The following MYH8 variants were observed in gnomAD, a reference collection of about 807,000 sequenced individuals.
The protein encoded by MYH8 is myosin heavy chain 8.
Under a neutral mutation model 233.2 loss-of-function variants are expected in MYH8, and 168 were observed. The ratio of observed to expected loss-of-function variants is 0.72; its 90% CI spans 0.64 to 0.82. The LOEUF (loss-of-function observed/expected upper bound fraction) is 0.82, where lower values mean the gene tolerates loss of function less well. MYH8 is among the 40% of genes least tolerant of loss of function. MYH8 has a pLI of 0.00. For missense variants in MYH8, 1,995 were observed against 2,327.8 expected, an observed-to-expected ratio of 0.86 and a Z score of 2.94; for synonymous variants, 785 against 850.6, an observed-to-expected ratio of 0.92 and a Z score of 1.34.
rs959743642 is a variant in MYH8, at chr17:10,396,029, A to T, written c.4653+301T>A. ...TGTCTACCGTAAAATATTTTTCCAAAATAATCATATTTCATGGCTATATAA... is the reference window on the plus strand; with the variant it reads ...TGTCTACCGTAAAATATTTTTCCAATATAATCATATTTCATGGCTATATAA... On this transcript the variant is annotated intron_variant, in intron 33 of 39. Transcript: ENST00000403437. This position sits in a 1 kb window ranked among gnomAD's most constrained non-coding sequence, Gnocchi z 4.2. Among the ~76,000 whole-genome samples, 1 of 152,148 alleles carries T rather than the reference A, an allele frequency of 6.6e-6. No individual in the cohort carries two copies. The highest frequency in any genetic ancestry group is 2.4e-5 in the African/African-American group (1 of 41,438).
intron 14 of MYH8, among the ~76,000 whole-genome samples, chr17:10,411,287 A>G (rs2072242318): frequency 6.6e-6 from 1 of 151,936 alleles, no homozygotes; most frequent in African/African-American, 2.4e-5. Context: ...GAGGCAGGAA[A>G]ATTGCTTGAA....
chr17:10,392,718 T>TG (rs1286235135), intron 37 of MYH8, 72 bp from the exon 38 acceptor site: 15 of 1,613,252 alleles, frequency 9.3e-6, no homozygotes, highest in Non-Finnish European at 7.6e-6. Flanking sequence ...ACTGAAGGCA[T>TG]GGGGTGGGTG....
Position 10,405,674 on chromosome 17 carries a change from A to T in MYH8, c.2432+367T>A, listed in dbSNP as rs188623170. ...AGGGGAGAGATGAGATAAGAAGATA[A>T]GCAAATGAGAGATTAGTAGATAAGC... is the stretch of plus-strand genomic sequence containing the variant. On this transcript the variant is annotated intron_variant, in intron 21 of 39. Transcript: ENST00000403437. Among the ~76,000 whole-genome samples, 159 of 152,326 alleles carry T rather than the reference A, an allele frequency of 1.0e-3. 1 individual carries two copies. Among genetic ancestry groups the T allele is most frequent in the Admixed American group, 5.3e-3 (81 of 15,300 alleles).
chr17:10,407,019 A>G (rs944111222), intron 17 of MYH8, 40 bp from the exon 18 acceptor site: 1 of 1,525,554 alleles, frequency 6.6e-7, no homozygotes, highest in Non-Finnish European at 9.1e-7. Flanking sequence ...AAAAAGTTCT[A>G]TTTCAGGTTG....
Position 10,401,734 on chromosome 17 carries a change from T to G in MYH8, c.2740A>C (p.Asn914His). The change falls in exon 23 of 40, where the codon AAC becomes CAC. Residue 914 changes from asparagine (N) to histidine (H), a missense_variant. Physicochemically the swap from Asn to His is moderately conservative, Grantham distance 68. Transcript: ENST00000403437. ...AEERCEQLIK[N>H]KIQLEAKIKE... ...ATTTTGGCCTCAAGTTGGATTTTGT[T>G]TTTAATCAGTTGCTCACACCTTTCC... is the stretch of plus-strand genomic sequence containing the variant. The G allele has an allele frequency of 6.2e-7, 1 of 1,614,194 alleles. No individual in the cohort carries two copies. Among genetic ancestry groups the G allele is most frequent in the Non-Finnish European group, 8.5e-7 (1 of 1,180,032 alleles).
In MYH8 at chr17:10,391,988, G is replaced by GA; in HGVS notation, c.5569-12dup. ...GCGATCTTCTTCAGTCTGAAAGTTTGAAAAAAATAATCTGCATTCATTCCG... is the reference window on the plus strand; with the variant it reads ...GCGATCTTCTTCAGTCTGAAAGTTTGAAAAAAAATAATCTGCATTCATTCCG... On this transcript the variant is annotated splice_polypyrimidine_tract_variant and intron_variant, in intron 38 of 39. Transcript: ENST00000403437. 1 of 1,609,628 alleles carries GA rather than the reference G, an allele frequency of 6.2e-7. No individual in the cohort carries two copies. The highest frequency in any genetic ancestry group is 8.5e-7 in the Non-Finnish European group (1 of 1,175,998).
rs1170438602 is a variant in MYH8 at position 10,413,978 on chromosome 17, C to G, written c.1071G>C (p.Gly357=). 2.5e-6 allele frequency: 4 copies of G among 1,614,026 alleles called. No individual in the cohort carries two copies. The highest frequency in any genetic ancestry group is 3.3e-4 in the Middle Eastern group (2 of 6,062). The change falls in exon 12 of 40, where the codon GGG becomes GGC. Residue 357 remains glycine, a synonymous_variant. Transcript: ENST00000403437. Reference sequence around the variant, plus strand: ...TCATGTTCCCATAATGCATCACAGCCCCTGTGAGTTTATAGATGGACACTT... The same window carrying G: ...TCATGTTCCCATAATGCATCACAGCGCCTGTGAGTTTATAGATGGACACTT... ...EEKVSIYKLT[G]AVMHYGNMKF...
chr17:10,401,777 A>C lies in MYH8; in HGVS notation c.2697T>G (p.Asp899Glu). Residue 899 changes from aspartate (D) to glutamate (E), a missense_variant, in exon 23 of 40, where the codon GAT (aspartate) becomes GAG (glutamate). Physicochemically the swap from Asp to Glu is conservative, Grantham distance 45. This residue lies in a region of MYH8 where 1,498 missense variants were observed against 1,680.9 expected (regional missense o/e 0.89). Coordinates refer to ENST00000403437, the MANE Select transcript of MYH8 (RefSeq NM_002472.3). ...DLQLQVQSEA[D>E]SLADAEERCE... ...ACCTTTCCTCTGCATCAGCCAAGCT[A>C]TCTGCTTCCTATGGAGAGATTCATT... 6.2e-7 allele frequency: 1 copy of C among 1,614,126 alleles called. No homozygotes were observed. Among genetic ancestry groups the C allele is most frequent in the Non-Finnish European group, 8.5e-7 (1 of 1,180,022 alleles).
Position 10,393,198 on chromosome 17 carries a change from T to C in MYH8, c.5179A>G (p.Ile1727Val). 1.2e-6 allele frequency: 2 copies of C among 1,614,228 alleles called. No homozygotes were observed. The highest frequency in any genetic ancestry group is 1.3e-5 in the African/African-American group (1 of 75,076). Residue 1727 changes from isoleucine (I) to valine (V), a missense_variant, in exon 36 of 40, where the codon ATT becomes GTT. Transcript: ENST00000403437. ...TTTTCTAATTTCTTCTTGGTGTTAA[T>C]GAGACTGGTATTCTGTTAAAAGTAG... The part of the protein sequence containing the change: ...QLLHTQNTSL[I>V]NTKKKLENDV...
At chr17:10,393,622 C>G (rs1409553002) in intron 35 of MYH8, among the ~76,000 whole-genome samples, 1 of 152,102 alleles carries the variant, frequency 6.6e-6, no homozygotes, top group Non-Finnish European at 1.5e-5. Flanking sequence ...TTTGTTCTGT[C>G]GGAGAGCACT....
At chr17:10,421,191 G>T (rs2072336942) in intron 2 of MYH8, among the ~76,000 whole-genome samples, 1 of 152,096 alleles carries the variant, frequency 6.6e-6, no homozygotes, top group South Asian at 2.1e-4. Context: ...AACACCCGGT[G>T]GATGTAATAC....
intron 5 of MYH8, 145 bp downstream of exon 5, chr17:10,418,500 C>G: frequency 6.9e-7 from 1 of 1,443,050 alleles, no homozygotes; most frequent in Non-Finnish European, 9.6e-7. Flanking sequence ...CATAAGATGT[C>G]ACAGCTGTGA....
Position 10,393,204 on chromosome 17 carries a change from T to G in MYH8, c.5173A>C (p.Ser1725Arg). Residue 1725 changes from serine to arginine, a missense_variant, in exon 36 of 40, where the codon AGT becomes CGT. By Grantham distance (110) the Ser-to-Arg change is moderately radical. Transcript: ENST00000403437. The part of the protein sequence containing the change: ...RVQLLHTQNT[S>R]LINTKKKLEN... The stretch of plus-strand genomic sequence containing the variant: ...AATTTCTTCTTGGTGTTAATGAGAC[T>G]GGTATTCTGTTAAAAGTAGTCGTGG... 6.2e-7 allele frequency: 1 copy of G among 1,614,228 alleles called. No homozygotes were observed. Among genetic ancestry groups the G allele is most frequent in the Non-Finnish European group, 8.5e-7 (1 of 1,180,042 alleles).
intron 39 of MYH8, among the ~76,000 whole-genome samples, 186 bp downstream of exon 39, chr17:10,391,696 T>C (rs186551752): frequency 3.3e-5 from 5 of 152,230 alleles, no homozygotes; most frequent in Non-Finnish European, 5.9e-5. Context: ...AATAAATAAA[T>C]AAATCTTTTG....
In MYH8 at chr17:10,401,205, A is replaced by G. The variant is rs369157670; in HGVS notation, c.3109-14T>C. On this transcript the variant is annotated splice_polypyrimidine_tract_variant and intron_variant, in intron 24 of 39. Coordinates refer to ENST00000403437, the MANE Select transcript of MYH8 (RefSeq NM_002472.3). ...AGACCCTTCAAGCTAATAAGAAAGT[A>G]AATATGGTAAAAATTGAAAGTATAT... is the stretch of plus-strand genomic sequence containing the variant. 8.6e-5 allele frequency: 139 copies of G among 1,613,372 alleles called. No individual in the cohort carries two copies. In the African/African-American group the frequency reaches 1.7e-3, roughly 20 times the overall value.
Position 10,420,106 on chromosome 17 carries a change from AAGAC to A in MYH8, c.118_121del (p.Val40LeufsTer10). ...ATAGGATTCCTTGGGCTCCGCCACA[AAGAC>A]AGATGTTTTAGCATCAAACGGCTTG... On this transcript the variant is annotated frameshift_variant, in exon 3 of 40. Coordinates refer to ENST00000403437, the MANE Select transcript of MYH8 (RefSeq NM_002472.3). LOFTEE classifies it high-confidence loss of function. 6.2e-7 allele frequency: 1 copy of A among 1,614,212 alleles called. No homozygotes were observed. Among genetic ancestry groups the A allele is most frequent in the Non-Finnish European group, 8.5e-7 (1 of 1,180,044 alleles).
At chr17:10,397,106 C>T (rs765076694) in intron 30 of MYH8, 120 bp from the exon 31 acceptor site, 189 of 1,233,608 alleles carry the variant, frequency 1.5e-4, no homozygotes, top group East Asian at 4.8e-4. Context: ...TTTTGAGAGA[C>T]GGAGTCTCGC....
chr17:10,409,720 G>A (rs558184701), intron 15 of MYH8, 132 bp from the exon 16 acceptor site: 67 of 1,230,940 alleles, frequency 5.4e-5, no homozygotes, highest in South Asian at 5.3e-4. Flanking sequence ...GTCACAGCTC[G>A]AAGAAGTCCC....
chr17:10,399,925 C>T (rs1358778538), intron 27 of MYH8, among the ~76,000 whole-genome samples: 1 of 152,102 alleles, frequency 6.6e-6, no homozygotes, highest in Non-Finnish European at 1.5e-5. Flanking sequence ...CTTAATAGGC[C>T]GGGCGCGGTG....
Sources: gnomAD v4.1 joint callset for allele counts (sites outside exome capture counted in the v4.1 genomes callset) on GRCh38, gnomAD v4.1.1 for gene constraint, gnomAD v4.1.1 regional missense constraint, Gnocchi (gnomAD v3.1) non-coding constraint, MANE v1.5 for transcripts, NCBI Gene and HGNC (gene_info 2026-07-23, HGNC 2026-07-21) for gene names.